Variants in CNTLN observed in about 807,000 individuals in gnomAD.
CNTLN encodes centlein, centrosomal protein.
A neutral mutation model predicts 180.0 loss-of-function variants in CNTLN; 212 were observed. The observed-to-expected ratio is 1.18, with a 90% CI of 1.05 to 1.32. The LOEUF (loss-of-function observed/expected upper bound fraction) is 1.32. CNTLN is among the 40% of genes most tolerant of loss of function. CNTLN has a pLI of 0.00. For missense variants in CNTLN, 2,095 were observed against 1,610.9 expected (o/e 1.30, Z -5.14); for synonymous variants, 722 against 563.1 (o/e 1.28, Z -3.99).
At chr9:17,285,582 T>C (rs1413847308) in intron 6 of CNTLN, among the ~76,000 whole-genome samples, 3 of 126,960 alleles carry the variant, frequency 2.4e-5, no homozygotes, top group Admixed American at 1.6e-4. Context: ...ATCGCCACAC[T>C]GACTTCCACA....
At chr9:17,487,856 C>G (rs1157379775) in intron 25 of CNTLN, among the ~76,000 whole-genome samples, 1 of 152,070 alleles carries the variant, frequency 6.6e-6, no homozygotes, top group Non-Finnish European at 1.5e-5. Flanking sequence ...CAGGTGAGAG[C>G]CCTGCTTTTC....
intron 5 of CNTLN, among the ~76,000 whole-genome samples, chr9:17,257,200 C>T (rs1826567551): frequency 6.6e-6 from 1 of 151,048 alleles, no homozygotes; most frequent in Admixed American, 6.6e-5. Context: ...TTGTTCAATT[C>T]CCACCTATGA....
chr9:17,247,128 C>A (rs1825843524), intron 5 of CNTLN, among the ~76,000 whole-genome samples: 1 of 152,050 alleles, frequency 6.6e-6, no homozygotes, highest in Non-Finnish European at 1.5e-5. Flanking sequence ...CCCTGTGCTG[C>A]CCTGGGTGGT....
intron 2 of CNTLN, among the ~76,000 whole-genome samples, chr9:17,161,791 G>A (rs903476054): frequency 6.6e-6 from 1 of 152,154 alleles, no homozygotes; most frequent in African/African-American, 2.4e-5. Flanking sequence ...ACTGCAGCTT[G>A]TAATCCACCT....
intron 1 of CNTLN, among the ~76,000 whole-genome samples, chr9:17,142,475 A>G (rs1212989505): frequency 6.6e-6 from 1 of 152,146 alleles, no homozygotes; most frequent in Non-Finnish European, 1.5e-5. Context: ...AACAAGTTAA[A>G]TTTAAGATAT....
intron 6 of CNTLN, among the ~76,000 whole-genome samples, chr9:17,294,709 C>CT (rs1174260552): frequency 1.4e-5 from 2 of 142,672 alleles, no homozygotes; most frequent in African/African-American, 5.2e-5. Flanking sequence ...ATGGGACTGG[C>CT]TGCCGTGGAG....
intron 11 of CNTLN, 43 bp from the exon 12 acceptor site, chr9:17,342,282 T>A: frequency 6.3e-7 from 1 of 1,592,392 alleles, no homozygotes. Flanking sequence ...TTTATTGCAC[T>A]TCAGACATGT....
intron 2 of CNTLN, among the ~76,000 whole-genome samples, chr9:17,185,252 T>C (rs1298682055): frequency 6.6e-6 from 1 of 152,214 alleles, no homozygotes; most frequent in Non-Finnish European, 1.5e-5. Flanking sequence ...TTTATTGCAA[T>C]AGATAATATG....
At chr9:17,294,097 G>C (rs643776) in intron 6 of CNTLN, among the ~76,000 whole-genome samples, 11 of 151,994 alleles carry the variant, frequency 7.2e-5, no homozygotes, top group Non-Finnish European at 1.2e-4. Context: ...TGGTGGATTC[G>C]TGGTCTCGCT....
chr9:17,333,632 T>C (rs987446514), intron 10 of CNTLN, among the ~76,000 whole-genome samples: 15 of 152,200 alleles, frequency 9.9e-5, no homozygotes, highest in African/African-American at 3.6e-4. Context: ...CAATAAGCTA[T>C]AATTAATAAT....
chr9:17,291,892 T>G (rs887254175), intron 6 of CNTLN, among the ~76,000 whole-genome samples: 7 of 152,158 alleles, frequency 4.6e-5, no homozygotes, highest in Non-Finnish European at 7.4e-5. Context: ...GCTTTATAGT[T>G]TCATTGGTCT....
chr9:17,431,822 C>G (rs1165614055), intron 18 of CNTLN, among the ~76,000 whole-genome samples: 1 of 151,972 alleles, frequency 6.6e-6, no homozygotes, highest in Admixed American at 6.6e-5. Context: ...GGTATAACAC[C>G]AGAAGGAAGC....
chr9:17,367,293 A>G (rs541792099), intron 13 of CNTLN, among the ~76,000 whole-genome samples: 50 of 152,370 alleles, frequency 3.3e-4, no homozygotes, highest in African/African-American at 1.1e-3. Context: ...GCCCACAGAA[A>G]GAGCATTTAG....
intron 5 of CNTLN, among the ~76,000 whole-genome samples, chr9:17,257,209 G>A (rs1344300933): frequency 3.3e-5 from 5 of 151,534 alleles, no homozygotes; most frequent in South Asian, 2.1e-4. Context: ...TCCCACCTAT[G>A]AGTGAGAATA....
chr9:17,312,591 G>A (rs1424962318), intron 8 of CNTLN, among the ~76,000 whole-genome samples: 1 of 126,926 alleles, frequency 7.9e-6, no homozygotes, highest in Non-Finnish European at 1.6e-5. Flanking sequence ...TTTTAGTAGA[G>A]ACAAGGTTTC....
At chr9:17,469,751 C>T (rs1350719997) in intron 23 of CNTLN, among the ~76,000 whole-genome samples, 1 of 149,852 alleles carries the variant, frequency 6.7e-6, no homozygotes, top group East Asian at 1.9e-4. Flanking sequence ...CCTCTTTGTT[C>T]TCTCCTTCAG....
At chr9:17,252,987 C>G (rs958449088) in intron 5 of CNTLN, among the ~76,000 whole-genome samples, 2 of 151,606 alleles carry the variant, frequency 1.3e-5, no homozygotes, top group African/African-American at 4.8e-5. Flanking sequence ...TCATGGTTAT[C>G]TAGTTTTTCT....
At chr9:17,336,300 A>T (rs568176096) in intron 10 of CNTLN, among the ~76,000 whole-genome samples, 1 of 152,318 alleles carries the variant, frequency 6.6e-6, no homozygotes, top group East Asian at 1.9e-4. Flanking sequence ...TTATTTTAAG[A>T]TATCCAACTT....
chr9:17,316,768 A>C (rs1819565595), intron 8 of CNTLN, among the ~76,000 whole-genome samples: 2 of 151,866 alleles, frequency 1.3e-5, no homozygotes, highest in Admixed American at 6.6e-5. Flanking sequence ...GTGATATTTT[A>C]ATCCCTTTGT....
Sources: gnomAD v4.1 joint callset for allele counts (sites outside exome capture counted in the v4.1 genomes callset) on GRCh38, gnomAD v4.1.1 for gene constraint, MANE v1.5 for transcripts, NCBI Gene and HGNC (gene_info 2026-07-23, HGNC 2026-07-21) for gene names.